The following NKAIN2 variants were observed in gnomAD, a reference collection of about 807,000 sequenced individuals.
The protein encoded by NKAIN2 is sodium/potassium transporting ATPase interacting 2.
A neutral mutation model predicts 32.6 loss-of-function variants in NKAIN2; 14 were observed. The observed-to-expected ratio is 0.43, with a 90% confidence interval of 0.28 to 0.67. The LOEUF is 0.67. NKAIN2 is among the 30% of genes least tolerant of loss of function. NKAIN2 has a pLI of 0.17. For synonymous variants in NKAIN2, 80 were observed against 87.2 expected, an observed-to-expected ratio of 0.92 and a Z score of 0.46; for missense variants, 198 against 258.3, an observed-to-expected ratio of 0.77 and a Z score of 1.60.
At chr6:124,796,097 A>G (rs1017491547) in intron 5 of NKAIN2, among the ~76,000 whole-genome samples, 9 of 152,064 alleles carry the variant, frequency 5.9e-5, no homozygotes, top group Non-Finnish European at 1.2e-4. Context: ...CCAGGGGATG[A>G]CAGCAACCCT....
chr6:124,296,045 A>T (rs1030764349), intron 2 of NKAIN2, among the ~76,000 whole-genome samples: 4 of 152,100 alleles, frequency 2.6e-5, no homozygotes, highest in African/African-American at 9.7e-5. Context: ...TTAAAATTAT[A>T]AATTTAAAAA....
intron 1 of NKAIN2, among the ~76,000 whole-genome samples, chr6:123,838,953 C>T (rs1018206922): frequency 1.3e-5 from 2 of 152,192 alleles, no homozygotes; most frequent in Non-Finnish European, 2.9e-5. Flanking sequence ...TAATGACTCT[C>T]TCTCACAATT....
rs988887831 is a variant in NKAIN2, at chr6:123,909,805, G to A, written c.54+105551G>A. Among the ~76,000 whole-genome samples the A allele has an allele frequency of 2.6e-5, 4 of 152,238 alleles. No individual in the cohort carries two copies. The East Asian group carries it at 5.8e-4, about 22-fold the overall frequency. On this transcript the variant is annotated intron_variant, in intron 1 of 6. Transcript: ENST00000368417. ...TAATAGGGTGTGTGTGCTGGACCAC[G>A]GTGGGTTTCACAGGGTAGGAATTCT... is the stretch of plus-strand genomic sequence containing the variant.
In NKAIN2 at chr6:123,972,176, A is replaced by G. The variant is rs190411029; in HGVS notation, c.54+167922A>G. ...GTACATAATACATAGAATACACAAA[A>G]TATGTGTTCATCAATGGTTTATGTT... On this transcript the variant is annotated intron_variant, in intron 1 of 6. Coordinates refer to ENST00000368417, the MANE Select transcript of NKAIN2 (RefSeq NM_001040214.3). 4.6e-5 allele frequency among the ~76,000 whole-genome samples: 7 copies of G among 152,320 alleles called. No individual in the cohort carries two copies. In the East Asian group the frequency reaches 1.2e-3, roughly 25 times the overall value.
chr6:123,938,218 G>T (rs1776611727), intron 1 of NKAIN2, among the ~76,000 whole-genome samples: 2 of 151,294 alleles, frequency 1.3e-5, no homozygotes, highest in Non-Finnish European at 2.9e-5. Context: ...TAGGGGAAGA[G>T]ATTTTAAAAA....
intron 1 of NKAIN2, among the ~76,000 whole-genome samples, chr6:123,914,225 GAGAC>G (rs999175565): frequency 1.5e-4 from 23 of 151,866 alleles, no homozygotes; most frequent in South Asian, 6.3e-4. Context: ...GAGAGAGAGA[GAGAC>G]AGACAGACAG....
intron 4 of NKAIN2, among the ~76,000 whole-genome samples, chr6:124,683,905 A>T (rs1261821685): frequency 6.6e-6 from 1 of 152,210 alleles, no homozygotes; most frequent in East Asian, 1.9e-4. Context: ...GGCTCCCTGC[A>T]AACCAATAAG....
At chr6:124,751,317 C>G (rs1159035356) in intron 4 of NKAIN2, among the ~76,000 whole-genome samples, 2 of 151,834 alleles carry the variant, frequency 1.3e-5, no homozygotes, top group Admixed American at 1.3e-4. Flanking sequence ...GATTTACTTC[C>G]CCAAAGGACA....
chr6:124,021,727 T>C (rs1480004708), intron 1 of NKAIN2, among the ~76,000 whole-genome samples: 1 of 152,032 alleles, frequency 6.6e-6, no homozygotes, highest in Non-Finnish European at 1.5e-5. Flanking sequence ...TAGACATAGA[T>C]ATATATAGAC....
chr6:124,544,334 A>G (rs1780015412), intron 3 of NKAIN2, among the ~76,000 whole-genome samples: 1 of 139,874 alleles, frequency 7.1e-6, no homozygotes, highest in South Asian at 2.1e-4. Context: ...TAGATCTCCA[A>G]CCACAGAAGC....
chr6:124,082,224 T>A (rs1399947251), intron 1 of NKAIN2, among the ~76,000 whole-genome samples: 1 of 152,124 alleles, frequency 6.6e-6, no homozygotes, highest in Non-Finnish European at 1.5e-5. Context: ...GTTAGTAGTC[T>A]TTCCACTGTA....
chr6:123,848,870 T>C (rs542820226), intron 1 of NKAIN2, among the ~76,000 whole-genome samples: 2 of 152,306 alleles, frequency 1.3e-5, no homozygotes, highest in Admixed American at 1.3e-4. Flanking sequence ...TGTCTGCCAG[T>C]TTTAAAGAGT....
chr6:123,804,123 G>A lies in NKAIN2; in HGVS notation c.-78G>A. On this transcript the variant is annotated 5_prime_UTR_variant, in exon 1 of 7. Coordinates refer to ENST00000368417, the MANE Select transcript of NKAIN2 (RefSeq NM_001040214.3). ...TCGGCAGGTTTGCGTGTCCTTCCCC[G>A]CGATCTGATTGGATAAAGTGGGGGC... The A allele has an allele frequency of 1.5e-6, 2 of 1,357,020 alleles. No individual in the cohort carries two copies. Among genetic ancestry groups the A allele is most frequent in the East Asian group, 2.3e-5 (1 of 43,608 alleles). The allele number at this position is 1,357,020 out of a possible 1,614,324, so 84.1% of individuals were successfully genotyped here. A position where few individuals can be genotyped will look rare whatever the true frequency, so the allele number is the denominator to read the frequency against.
At chr6:124,336,023 G>C (rs1193819399) in intron 2 of NKAIN2, among the ~76,000 whole-genome samples, 1 of 152,064 alleles carries the variant, frequency 6.6e-6, no homozygotes, top group African/African-American at 2.4e-5. Context: ...GAAGCAAAGG[G>C]TTGGGTGTTT....
At chr6:124,014,287 T>C (rs1780469121) in intron 1 of NKAIN2, among the ~76,000 whole-genome samples, 1 of 152,184 alleles carries the variant, frequency 6.6e-6, no homozygotes, top group African/African-American at 2.4e-5. Flanking sequence ...TACAAATATA[T>C]ACTTGCATTT....
chr6:124,073,126 A>G (rs1266936504), intron 1 of NKAIN2, among the ~76,000 whole-genome samples: 1 of 152,220 alleles, frequency 6.6e-6, no homozygotes, highest in Non-Finnish European at 1.5e-5. Flanking sequence ...AGTGATGAAC[A>G]TTGCAGCCAA....
In NKAIN2 at chr6:124,264,524, AG is replaced by A. The variant is rs534257975; in HGVS notation, c.55-18480del. Among the ~76,000 whole-genome samples, 16 of 152,332 alleles carry A rather than the reference AG, an allele frequency of 1.1e-4. No individual in the cohort carries two copies. The South Asian group carries it at 3.3e-3, about 32-fold the overall frequency. On this transcript the variant is annotated intron_variant, in intron 1 of 6. Transcript: ENST00000368417. The stretch of plus-strand genomic sequence containing the variant: ...TAAGTCTAATATAGAAAAAATCTAT[AG>A]TTGGTTATTTCAAATGGCCAATTGC...
At chr6:124,488,226 T>C (rs192238078) in intron 3 of NKAIN2, among the ~76,000 whole-genome samples, 2 of 152,200 alleles carry the variant, frequency 1.3e-5, no homozygotes, top group Admixed American at 1.3e-4. Context: ...TGAGGTAGTT[T>C]AGTTTAAATG....
intron 3 of NKAIN2, among the ~76,000 whole-genome samples, chr6:124,587,752 C>T (rs1400669428): frequency 6.6e-6 from 1 of 152,164 alleles, no homozygotes; most frequent in Non-Finnish European, 1.5e-5. Context: ...TGGTCCTCTC[C>T]CAAACCCTCC....
Sources: allele counts gnomAD v4.1 joint callset (sites outside exome capture counted in the v4.1 genomes callset), GRCh38; gene constraint gnomAD v4.1.1; transcripts MANE v1.5; gene names NCBI Gene and HGNC (gene_info 2026-07-23, HGNC 2026-07-21).